PLEKHG1: variants seen among roughly 807,000 people sequenced by gnomAD.
The protein encoded by PLEKHG1 is pleckstrin homology and RhoGEF domain containing G1, also known as pleckstrin homology domain-containing family G member 1.
Under a neutral mutation model 100.8 loss-of-function variants are expected in PLEKHG1, and 44 were observed. The observed-to-expected ratio is 0.44, with a 90% CI of 0.34 to 0.56. PLEKHG1 has a LOEUF of 0.56. Ranked by LOEUF, PLEKHG1 falls within the 20% of genes least tolerant of loss-of-function variation. PLEKHG1 has a pLI of 0.01. For missense variants in PLEKHG1, 1,545 were observed against 1,720.9 expected, an observed-to-expected ratio of 0.90 and a Z score of 1.81; for synonymous variants, 640 against 662.5, an observed-to-expected ratio of 0.97 and a Z score of 0.52.
At chr6:150,630,833 G>A (rs562279540) in intron 1 of PLEKHG1, among the ~76,000 whole-genome samples, 23 of 152,198 alleles carry the variant, frequency 1.5e-4, no homozygotes, top group East Asian at 3.9e-4. Flanking sequence ...TGGAAGATTC[G>A]GCCCAGGAAA....
chr6:150,703,914 A>C (rs9480549), intron 3 of PLEKHG1, among the ~76,000 whole-genome samples: 29,703 of 152,162 alleles, frequency 0.2, 5,042 homozygotes, highest in African/African-American at 0.47. Context: ...GTACTTGGTG[A>C]CTTTGAATTT....
intron 2 of PLEKHG1, among the ~76,000 whole-genome samples, chr6:150,737,382 C>G (rs901391670): frequency 6.6e-6 from 1 of 150,562 alleles, no homozygotes; most frequent in Non-Finnish European, 1.5e-5. Flanking sequence ...AGCTCCGCTT[C>G]CCGGGTTCAC....
chr6:150,824,407 C>T (rs1776473003), intron 14 of PLEKHG1, among the ~76,000 whole-genome samples: 2 of 152,090 alleles, frequency 1.3e-5, no homozygotes. Context: ...GGCTGTGAAA[C>T]CTCTCCCTAT....
chr6:150,770,263 C>CT (rs1479984403), intron 3 of PLEKHG1, among the ~76,000 whole-genome samples: 9 of 152,176 alleles, frequency 5.9e-5, no homozygotes, highest in Admixed American at 5.9e-4. Flanking sequence ...ATGTGAGCTC[C>CT]TTGAGGGCAG....
rs60462437 is a variant in PLEKHG1 at position 150,763,024 on chromosome 6, C to CTTTTTTTTTTTTTTTTTTTTTTTT, written c.412-5594_412-5593insTTTTTTTTTTTTTTTTTTTTTTTT. ...AGCACCAACAGGAGGGATAAAGCTT[C>CTTTTTTTTTTTTTTTTTTTTTTTT]TTTTTTTTTTTTTTTTTTTTGAGAC... On this transcript the variant is annotated intron_variant, in intron 2 of 15. Coordinates refer to ENST00000358517, the Ensembl canonical transcript of PLEKHG1. 2.2e-3 allele frequency among the ~76,000 whole-genome samples: 172 copies of CTTTTTTTTTTTTTTTTTTTTTTTT among 76,472 alleles called. 14 individuals carry two copies. Among genetic ancestry groups the CTTTTTTTTTTTTTTTTTTTTTTTT allele is most frequent in the East Asian group, 5.4e-3 (11 of 2,036 alleles). 50.2% of individuals were successfully genotyped at this position (76,472 alleles called of 152,430 possible).
chr6:150,638,976 A>T (rs1000729730), intron 2 of PLEKHG1, among the ~76,000 whole-genome samples: 11 of 152,228 alleles, frequency 7.2e-5, no homozygotes, highest in African/African-American at 2.4e-4. Context: ...ATCATTGAAT[A>T]CCATTCTTTT....
chr6:150,607,993 C>A (rs953760499), intron 1 of PLEKHG1, among the ~76,000 whole-genome samples: 2 of 152,084 alleles, frequency 1.3e-5, no homozygotes, highest in African/African-American at 4.8e-5. Context: ...CCCCCTTTGA[C>A]AATTGTTTAG....
At chr6:150,716,605 C>T (rs568033270), upstream of PLEKHG1, among the ~76,000 whole-genome samples, 87 of 152,218 alleles carry the variant, frequency 5.7e-4, no homozygotes, top group Non-Finnish European at 8.5e-4. Context: ...TTGCTGAGTC[C>T]CTAGATGTGT....
exon 16 of PLEKHG1, chr6:150,840,974 G>A (rs1348291353): frequency 3.6e-6 from 4 of 1,113,464 alleles, no homozygotes; most frequent in Non-Finnish European, 5.4e-6. Flanking sequence ...GGTGTTTTAT[G>A]TATACCAGAT....
At chr6:150,754,401 T>G (rs1040912942) in intron 2 of PLEKHG1, among the ~76,000 whole-genome samples, 1 of 152,102 alleles carries the variant, frequency 6.6e-6, no homozygotes, top group African/African-American at 2.4e-5. Flanking sequence ...CCAGGAGGCA[T>G]GACATCAAAT....
intron 1 of PLEKHG1, among the ~76,000 whole-genome samples, chr6:150,601,751 G>A (rs999243942): frequency 2.6e-5 from 4 of 152,144 alleles, no homozygotes; most frequent in Non-Finnish European, 5.9e-5. Flanking sequence ...AGCCCCCCAA[G>A]TCCTCTGCTA....
At chr6:150,769,451 G>A (rs958545147) in intron 3 of PLEKHG1, among the ~76,000 whole-genome samples, 1 of 151,562 alleles carries the variant, frequency 6.6e-6, no homozygotes, top group African/African-American at 2.4e-5. Context: ...GTATGGTGGT[G>A]CACACCTGTA....
intron 2 of PLEKHG1, among the ~76,000 whole-genome samples, chr6:150,747,924 G>A (rs9397346): frequency 0.97 from 147,313 of 151,950 alleles, 71,426 homozygotes; most frequent in East Asian, 1. Flanking sequence ...TAAGCATGCA[G>A]TTCAGTGGTA....
intron 4 of PLEKHG1, among the ~76,000 whole-genome samples, chr6:150,788,230 CAG>C (rs1562519450): frequency 1.3e-5 from 2 of 152,260 alleles, no homozygotes; most frequent in African/African-American, 4.8e-5. Flanking sequence ...CGCATGGAAA[CAG>C]GGAATCCTGA....
chr6:150,758,280 C>A (rs373877834), intron 2 of PLEKHG1, among the ~76,000 whole-genome samples: 3 of 151,896 alleles, frequency 2.0e-5, no homozygotes, highest in African/African-American at 7.3e-5. Context: ...TTTATCCCAC[C>A]AACAGTGGAA....
chr6:150,673,065 G>A (rs60400479), intron 3 of PLEKHG1, among the ~76,000 whole-genome samples: 6,537 of 152,094 alleles, frequency 0.043, 480 homozygotes, highest in African/African-American at 0.15. Context: ...ATAGTCGGCC[G>A]GAAAGCAAGA....
At chr6:150,806,811 CAG>C (rs1460900117) in intron 7 of PLEKHG1, among the ~76,000 whole-genome samples, 1 of 107,480 alleles carries the variant, frequency 9.3e-6, no homozygotes, top group East Asian at 2.8e-4. Flanking sequence ...GCCTGGGAGA[CAG>C]AGCAAGACTC....
chr6:150,658,085 C>T (rs9383835), intron 3 of PLEKHG1, among the ~76,000 whole-genome samples: 18,840 of 152,158 alleles, frequency 0.12, 1,282 homozygotes, highest in East Asian at 0.26. Context: ...ACCTTACCTC[C>T]CCTCCGCCTT....
intron 1 of PLEKHG1, among the ~76,000 whole-genome samples, chr6:150,627,191 A>G (rs1241206423): frequency 3.3e-5 from 5 of 152,250 alleles, no homozygotes; most frequent in Non-Finnish European, 7.3e-5. Context: ...TGAAAGATAA[A>G]AAATATTTAG....
Sources: allele counts gnomAD v4.1 joint callset (sites outside exome capture counted in the v4.1 genomes callset), GRCh38; gene constraint gnomAD v4.1.1; transcripts MANE v1.5; gene names NCBI Gene and HGNC (gene_info 2026-07-23, HGNC 2026-07-21).